Variants in TSHR observed in about 807,000 individuals in gnomAD.
TSHR encodes thyroid stimulating hormone receptor.
TSHR carries 51 observed loss-of-function variants against 64.1 expected under a neutral mutation model. That is an observed-to-expected ratio of 0.80 (90% CI 0.64 to 1.01). The LOEUF is 1.01. TSHR is among the 50% of genes least tolerant of loss of function. The pLI is 0.00. For missense variants in TSHR, 877 were observed against 942.8 expected (o/e 0.93, Z 0.91); for synonymous variants, 361 against 361.9 (o/e 1.00, Z 0.03).
chr14:81,050,579 GT>G (rs1244745816), intron 1 of TSHR: 1 of 152,142 alleles, frequency 6.6e-6, no homozygotes, highest in Non-Finnish European at 1.5e-5. Context: ...TCCTAACATT[GT>G]TATAAGTGCT....
chr14:81,082,189 C>T (rs1210415920), intron 3 of TSHR, among the ~76,000 whole-genome samples: 1 of 152,126 alleles, frequency 6.6e-6, no homozygotes, highest in African/African-American at 2.4e-5. Context: ...TGTTCTCTGT[C>T]ACTAGTGACT....
intron 1 of TSHR, among the ~76,000 whole-genome samples, chr14:81,048,368 T>G (rs1885272377): frequency 1.3e-5 from 2 of 152,180 alleles, no homozygotes; most frequent in Non-Finnish European, 2.9e-5. Flanking sequence ...CATGGGAAGT[T>G]CACACATTCT....
chr14:81,091,047 T>C, intron 4 of TSHR, 22 bp from the exon 5 acceptor site: 1 of 1,596,606 alleles, frequency 6.3e-7, no homozygotes, highest in Non-Finnish European at 8.6e-7. Flanking sequence ...TGCTTTTTTT[T>C]CTCTTTTTTT....
At chr14:80,980,966 C>G (rs925565995) in intron 1 of TSHR, among the ~76,000 whole-genome samples, 5 of 151,900 alleles carry the variant, frequency 3.3e-5, no homozygotes, top group African/African-American at 1.2e-4. Flanking sequence ...TTGATCATGT[C>G]TTTTATGTCC....
chr14:81,134,706 T>C (rs1382925537), intron 8 of TSHR, among the ~76,000 whole-genome samples: 2 of 152,194 alleles, frequency 1.3e-5, no homozygotes, highest in African/African-American at 4.8e-5. Context: ...AATGGAGATA[T>C]GTCTGATGGA....
intron 3 of TSHR, among the ~76,000 whole-genome samples, chr14:81,074,911 T>C (rs898385930): frequency 8.5e-5 from 13 of 152,358 alleles, no homozygotes; most frequent in Admixed American, 3.3e-4. Context: ...TACAGAGCTC[T>C]ATATACATTC....
At chr14:81,075,502 T>C (rs962115435) in intron 3 of TSHR, among the ~76,000 whole-genome samples, 2 of 152,124 alleles carry the variant, frequency 1.3e-5, no homozygotes. Flanking sequence ...TTTTTTTTCT[T>C]TTATTATTAT....
chr14:81,048,345 C>T (rs946131533), intron 1 of TSHR, among the ~76,000 whole-genome samples: 2 of 152,098 alleles, frequency 1.3e-5, no homozygotes, highest in African/African-American at 2.4e-5. Flanking sequence ...GATTCCTGGC[C>T]GGGATCACTG....
At chr14:81,115,731 G>A (rs1196408406) in intron 8 of TSHR, among the ~76,000 whole-genome samples, 2 of 152,054 alleles carry the variant, frequency 1.3e-5, no homozygotes, top group Non-Finnish European at 2.9e-5. Flanking sequence ...ATAATTGTCA[G>A]ATTCACCAAA....
chr14:80,997,691 G>A (rs1352002120), intron 1 of TSHR, among the ~76,000 whole-genome samples: 2 of 152,128 alleles, frequency 1.3e-5, no homozygotes, highest in Non-Finnish European at 1.5e-5. Context: ...AATGAAATAC[G>A]GAGATAGTTA....
intron 1 of TSHR, among the ~76,000 whole-genome samples, chr14:81,009,271 A>G (rs11851225): frequency 0.1 from 15,542 of 152,208 alleles, 2,578 homozygotes; most frequent in African/African-American, 0.35. Context: ...CCAAGTTGGC[A>G]AAACGTTTGT....
At chr14:81,131,566 A>T (rs1413380611) in intron 8 of TSHR, among the ~76,000 whole-genome samples, 1 of 152,194 alleles carries the variant, frequency 6.6e-6, no homozygotes, top group Non-Finnish European at 1.5e-5. Context: ...CAGCACCAGC[A>T]ACACTGGCCT....
chr14:81,006,765 G>A (rs192810836), intron 1 of TSHR, among the ~76,000 whole-genome samples: 147 of 151,936 alleles, frequency 9.7e-4, no homozygotes, highest in African/African-American at 3.4e-3. Context: ...TCCCCGCCTC[G>A]GTCTCCCAAG....
chr14:81,009,801 C>T (rs865939967), intron 1 of TSHR, among the ~76,000 whole-genome samples: 1 of 151,870 alleles, frequency 6.6e-6, no homozygotes, highest in South Asian at 2.1e-4. Flanking sequence ...TTAAGTTGTT[C>T]CACAAAGTTG....
At chr14:81,017,243 G>C (rs1883461869) in intron 1 of TSHR, among the ~76,000 whole-genome samples, 1 of 152,122 alleles carries the variant, frequency 6.6e-6, no homozygotes. Context: ...GATTAAATGT[G>C]GCCAATGCCT....
chr14:81,120,496 T>C (rs1218360808), intron 8 of TSHR, among the ~76,000 whole-genome samples: 2 of 152,234 alleles, frequency 1.3e-5, no homozygotes, highest in African/African-American at 4.8e-5. Flanking sequence ...TGTTTGTTTA[T>C]AGAAACACAA....
rs529664262 is a variant in TSHR, at chr14:81,107,494, C to G, written c.615-881C>G. ...GTGTAATAAAGTTATGGGGAAACAG[C>G]CAGTTTCAAAATCCTTGGAAGCTTT... On this transcript the variant is annotated intron_variant, in intron 7 of 9. Transcript: ENST00000298171. Among the ~76,000 whole-genome samples, 37 of 152,248 alleles carry G rather than the reference C, an allele frequency of 2.4e-4. No individual in the cohort carries two copies. In the East Asian group the frequency reaches 6.9e-3, roughly 29 times the overall value.
intron 7 of TSHR, 31 bp downstream of exon 7, chr14:81,096,738 CT>C (rs1371018644): frequency 6.2e-7 from 1 of 1,608,186 alleles, no homozygotes; most frequent in Non-Finnish European, 8.5e-7. Context: ...AAAACTGTCA[CT>C]TTCCCTTACC....
intron 1 of TSHR, among the ~76,000 whole-genome samples, chr14:80,973,611 A>C (rs757426409): frequency 8.5e-5 from 13 of 152,094 alleles, no homozygotes; most frequent in Non-Finnish European, 1.6e-4. Context: ...GCGGCGACTT[A>C]ATAGCAATGC....
Sources: gnomAD v4.1 joint callset for allele counts (sites outside exome capture counted in the v4.1 genomes callset) on GRCh38, gnomAD v4.1.1 for gene constraint, MANE v1.5 for transcripts, NCBI Gene and HGNC (gene_info 2026-07-23, HGNC 2026-07-21) for gene names.